Variants in XPA observed in about 807,000 individuals in gnomAD.
The protein encoded by XPA is DNA repair protein complementing XP-A cells.
A neutral mutation model predicts 35.7 loss-of-function variants in XPA; 27 were observed. The observed-to-expected ratio is 0.76, with a 90% CI of 0.56 to 1.04. XPA has a LOEUF of 1.04. Ranked by LOEUF, XPA falls within the 50% of genes least tolerant of loss-of-function variation. The pLI, the probability that XPA is intolerant of heterozygous loss-of-function variation, is 0.00. For synonymous variants in XPA, 133 were observed against 118.4 expected, an observed-to-expected ratio of 1.12 and a Z score of -0.80; for missense variants, 354 against 342.7, an observed-to-expected ratio of 1.03 and a Z score of -0.26.
intron 2 of XPA, among the ~76,000 whole-genome samples, 153 bp from the exon 3 acceptor site, chr9:97,689,792 AAAATT>A (rs973232997): frequency 6.6e-5 from 10 of 152,202 alleles, no homozygotes; most frequent in South Asian, 2.1e-4. Flanking sequence ...TCTAAAAAAA[AAAATT>A]AAAGAGGAAA....
chr9:97,682,383 C>CT, intron 5 of XPA: 1 of 518,978 alleles, frequency 1.9e-6, no homozygotes, highest in Non-Finnish European at 3.8e-6. Flanking sequence ...ACAGTGTCTA[C>CT]TCCAGTCTCA....
downstream of XPA, among the ~76,000 whole-genome samples, chr9:97,674,142 C>A (rs1564034549): frequency 2.0e-5 from 3 of 151,540 alleles, no homozygotes; most frequent in African/African-American, 7.3e-5. Context: ...CCTTCCCCGC[C>A]CCCATAATGC....
chr9:97,692,502 A>G (rs531205335), intron 2 of XPA, among the ~76,000 whole-genome samples: 14 of 152,324 alleles, frequency 9.2e-5, no homozygotes, highest in Non-Finnish European at 1.6e-4. Context: ...CTTTGGAACA[A>G]GGCTAGTGAT....
At chr9:97,669,889 T>G in the XPA span, 15 of 660,180 alleles carry the variant, frequency 2.3e-5, no homozygotes, top group Non-Finnish European at 3.6e-5. Flanking sequence ...TCTGTACCAC[T>G]TAGATTCCTA....
chr9:97,693,748 C>A lies in XPA; in HGVS notation c.184G>T (p.Val62Leu), dbSNP rs1476014427. The A allele has an allele frequency of 6.2e-7, 1 of 1,612,940 alleles. No homozygotes were observed. Among genetic ancestry groups the A allele is most frequent in the Non-Finnish European group, 8.5e-7 (1 of 1,179,926 alleles). ...AAAATGGMAN[V>L]KAAPKIIDTG... ...TCAATTATCTTTGGGGCTGCTTTTA[C>A]ATTAGCCATGCCTACAAAAGTAAGT... The change falls in exon 2 of 6, where the codon GTA (valine) becomes TTA (leucine). Residue 62 changes from valine to leucine, a missense_variant. Val to Leu is a conservative substitution (Grantham distance 32). Transcript: ENST00000375128.
At chr9:97,666,716 G>T in the XPA span, 1 of 1,260,732 alleles carries the variant, frequency 7.9e-7, no homozygotes, top group Admixed American at 2.4e-5. Flanking sequence ...TTTATTTTCT[G>T]TAACCATAGC....
the XPA span, among the ~76,000 whole-genome samples, chr9:97,660,190 G>A: frequency 6.6e-6 from 1 of 152,104 alleles, no homozygotes; most frequent in East Asian, 1.9e-4. Context: ...GGTGTAATAT[G>A]ACTGTCCTCA....
chr9:97,692,232 G>A (rs1237122104), intron 2 of XPA, among the ~76,000 whole-genome samples: 5 of 151,576 alleles, frequency 3.3e-5, no homozygotes, highest in South Asian at 2.1e-4. Flanking sequence ...CAGAGGTTGC[G>A]GTGAGCTGAG....
rs750304116 is a variant in XPA at position 97,687,084 on chromosome 9, CT to C, written c.555+11del. The C allele has an allele frequency of 1.4e-4, 223 of 1,603,506 alleles. No individual in the cohort carries two copies. The Middle Eastern group carries it at 1.7e-3, about 12-fold the overall frequency. ...CCAGAGTGAAAAATAATAAATACAA[CT>C]TATTAGAGACCTGTAACTTTAAGTA... is the stretch of plus-strand genomic sequence containing the variant. On this transcript the variant is annotated intron_variant, in intron 4 of 5. Transcript: ENST00000375128.
chr9:97,694,622 T>G (rs575703964), intron 1 of XPA, among the ~76,000 whole-genome samples: 1 of 152,272 alleles, frequency 6.6e-6, no homozygotes, highest in East Asian at 1.9e-4. Context: ...ATACCAAGTG[T>G]GAGGATGTGG....
At chr9:97,688,128 T>A (rs776925158) in intron 3 of XPA, among the ~76,000 whole-genome samples, 1 of 152,240 alleles carries the variant, frequency 6.6e-6, no homozygotes, top group Non-Finnish European at 1.5e-5. Context: ...AATGGAGGAC[T>A]GTGTTCCTGA....
At chr9:97,671,215 C>T (rs1828183058), downstream of XPA, 2 of 1,528,830 alleles carry the variant, frequency 1.3e-6, no homozygotes, top group Non-Finnish European at 1.8e-6. Context: ...ATTTTTTCCT[C>T]ATGTCAAGGT....
chr9:97,688,157 G>C (rs971814783), intron 3 of XPA, among the ~76,000 whole-genome samples: 2 of 152,176 alleles, frequency 1.3e-5, no homozygotes, highest in African/African-American at 4.8e-5. Flanking sequence ...AAATATAAAA[G>C]TGTAATGTTT....
At chr9:97,678,550 A>T (rs531280922) in intron 5 of XPA, among the ~76,000 whole-genome samples, 1 of 152,368 alleles carries the variant, frequency 6.6e-6, no homozygotes, top group East Asian at 1.9e-4. Flanking sequence ...TAATGAATTC[A>T]TACCAATGAT....
At chr9:97,673,585 A>T (rs947423958), downstream of XPA, 5 of 152,190 alleles carry the variant, frequency 3.3e-5, no homozygotes, top group African/African-American at 9.7e-5. Context: ...CTAGGAATTG[A>T]GTTTTGAAGA....
intron 2 of XPA, among the ~76,000 whole-genome samples, chr9:97,692,325 ATGTCATTAATTGTTTG>A (rs1231758239): frequency 1.3e-5 from 2 of 152,080 alleles, no homozygotes; most frequent in African/African-American, 4.8e-5. Flanking sequence ...AATTGTCATT[ATGTCATTAATTGTTTG>A]TTTCAAAATA....
rs113710532 is a variant in XPA at position 97,697,257 on chromosome 9, C to G, written c.36G>C (p.Ala12=). The stretch of plus-strand genomic sequence containing the variant: ...GCAGCTCCGCGGGTTGCTCTAAAGC[C>G]GCCGCCTCCGGCAAAGCCCCGTCGG... The part of the protein sequence containing the change: ...AAADGALPEA[A]ALEQPAELPA... Residue 12 remains alanine (A), a synonymous_variant, in exon 1 of 6, where the codon GCG becomes GCC. Transcript: ENST00000375128. 1 of 1,599,690 alleles carries G rather than the reference C, an allele frequency of 6.3e-7. No homozygotes were observed.
chr9:97,674,508 GTTATT>G (rs1443779478), downstream of XPA, among the ~76,000 whole-genome samples: 10 of 152,112 alleles, frequency 6.6e-5, no homozygotes, highest in African/African-American at 2.4e-4. Flanking sequence ...AAAATATCAG[GTTATT>G]TTAACTAACT....
intron 5 of XPA, among the ~76,000 whole-genome samples, chr9:97,684,116 G>A (rs1040248636): frequency 1.3e-5 from 2 of 152,126 alleles, no homozygotes; most frequent in Non-Finnish European, 2.9e-5. Flanking sequence ...AGCACCGCAC[G>A]TTCATCACTA....
Sources: allele counts gnomAD v4.1 joint callset (sites outside exome capture counted in the v4.1 genomes callset), GRCh38; gene constraint gnomAD v4.1.1; transcripts MANE v1.5; gene names NCBI Gene and HGNC (gene_info 2026-07-23, HGNC 2026-07-21).